ERCC6: variants seen among roughly 807,000 people sequenced by gnomAD.
ERCC6 encodes the protein ERCC excision repair 6, chromatin remodeling factor.
ERCC6 carries 116 observed loss-of-function variants against 158.7 expected under a neutral mutation model. The ratio of observed to expected loss-of-function variants is 0.73; its 90% confidence interval spans 0.63 to 0.85. The LOEUF (loss-of-function observed/expected upper bound fraction) is 0.85, where lower values mean the gene tolerates loss of function less well. ERCC6 is among the 40% of genes least tolerant of loss of function. The pLI is 0.00. For missense variants in ERCC6, 1,698 were observed against 1,799.4 expected (o/e 0.94, Z 1.02); for synonymous variants, 678 against 659.3 (o/e 1.03, Z -0.43).
At chr10:49,450,533 A>G (rs371485744), downstream of ERCC6, among the ~76,000 whole-genome samples, 47 of 152,336 alleles carry the variant, frequency 3.1e-4, 2 homozygotes, top group East Asian at 5.0e-3. Context: ...AATTTCTGCA[A>G]AGATGTCAGC....
chr10:49,438,599 T>C, the ERCC6 span, among the ~76,000 whole-genome samples: 4 of 152,028 alleles, frequency 2.6e-5, no homozygotes, highest in African/African-American at 9.7e-5. Flanking sequence ...AAATCTCATG[T>C]CCTCACATTT....
chr10:49,442,036 C>T, the ERCC6 span, among the ~76,000 whole-genome samples: 1 of 152,160 alleles, frequency 6.6e-6, no homozygotes, highest in Admixed American at 6.5e-5. Flanking sequence ...CCCCAGGCTG[C>T]CGGTATCCAA....
rs367896949 is a variant in ERCC6 at position 49,457,343 on chromosome 10, T to C, written c.*1472A>G. 1.3e-5 allele frequency: 2 copies of C among 151,956 alleles called. No individual in the cohort carries two copies. The highest frequency in any genetic ancestry group is 4.8e-5 in the African/African-American group (2 of 41,388). 9.4% of individuals were successfully genotyped at this position (151,956 alleles called of 1,614,324 possible). A position where few individuals can be genotyped will look rare whatever the true frequency, so the allele number is the denominator to read the frequency against. On this transcript the variant is annotated 3_prime_UTR_variant, in exon 21 of 21. Coordinates refer to ENST00000355832, the MANE Select transcript of ERCC6 (RefSeq NM_000124.4). The stretch of plus-strand genomic sequence containing the variant: ...TAAACCAAACTAAAAACAAAAGAAA[T>C]GAACAAGCTATAATCCAAAAAAAAC...
intron 10 of ERCC6, among the ~76,000 whole-genome samples, chr10:49,481,152 G>A (rs1203939123): frequency 6.6e-6 from 1 of 152,204 alleles, no homozygotes; most frequent in Admixed American, 6.5e-5. Context: ...CCTCAGCTGT[G>A]AATCTACATG....
chr10:49,471,439 C>T (rs1251444143), intron 16 of ERCC6, among the ~76,000 whole-genome samples: 1 of 152,150 alleles, frequency 6.6e-6, no homozygotes, highest in Non-Finnish European at 1.5e-5. Context: ...CTCTTAGCCT[C>T]CTTGACTTGA....
intron 5 of ERCC6, chr10:49,517,157 T>C: frequency 6.5e-7 from 1 of 1,535,964 alleles, no homozygotes; most frequent in Non-Finnish European, 8.8e-7. Flanking sequence ...GTCCTAGTGG[T>C]AGTGGTTTTG....
chr10:49,471,252 G>C, intron 16 of ERCC6, 132 bp from the exon 17 acceptor site: 1 of 863,760 alleles, frequency 1.2e-6, no homozygotes, highest in African/African-American at 1.7e-5. Context: ...CAAACTTTCA[G>C]CCTTGGAAAA....
At chr10:49,533,585 C>A (rs189676751) in intron 1 of ERCC6, among the ~76,000 whole-genome samples, 6 of 152,168 alleles carry the variant, frequency 3.9e-5, no homozygotes, top group South Asian at 2.1e-4. Context: ...GGAAACACAG[C>A]GAGCTCAGGA....
intron 18 of ERCC6, 74 bp from the exon 19 acceptor site, chr10:49,461,630 T>C: frequency 6.9e-7 from 1 of 1,443,456 alleles, no homozygotes; most frequent in Non-Finnish European, 9.5e-7. Context: ...TCTGTATAAG[T>C]ACAGTACTGT....
intron 5 of ERCC6, among the ~76,000 whole-genome samples, chr10:49,523,234 G>A (rs1301371645): frequency 2.0e-5 from 3 of 152,220 alleles, no homozygotes; most frequent in Non-Finnish European, 4.4e-5. Context: ...TCTAAGTCAA[G>A]GAGACTTGAA....
At chr10:49,535,108 C>A (rs893512603) in intron 1 of ERCC6, among the ~76,000 whole-genome samples, 27 of 152,142 alleles carry the variant, frequency 1.8e-4, no homozygotes, top group African/African-American at 6.5e-4. Flanking sequence ...TCAATATCTG[C>A]TGAAAGGAAG....
At chr10:49,538,632 A>AT (rs943809004) in intron 1 of ERCC6, among the ~76,000 whole-genome samples, 1 of 152,184 alleles carries the variant, frequency 6.6e-6, no homozygotes, top group African/African-American at 2.4e-5. Context: ...TCTCTTTAAA[A>AT]TAACAGCTCC....
At chr10:49,538,764 T>C (rs1837665311) in intron 1 of ERCC6, among the ~76,000 whole-genome samples, 198 bp downstream of exon 1, 1 of 152,122 alleles carries the variant, frequency 6.6e-6, no homozygotes, top group Admixed American at 6.5e-5. Context: ...AGGTGAGCGC[T>C]CCTTGGCGCT....
Position 49,505,870 on chromosome 10 carries a change from CAT to C in ERCC6, c.1526+12_1526+13del. 1 of 1,612,598 alleles carries C rather than the reference CAT, an allele frequency of 6.2e-7. No individual in the cohort carries two copies. The highest frequency in any genetic ancestry group is 1.1e-5 in the South Asian group (1 of 91,034). On this transcript the variant is annotated intron_variant, in intron 6 of 20. Transcript: ENST00000355832. ...TTGATAGCAAATAGAAAGGAAAGAACATATGGTACATACTTAAAAAGCTTTTT... is the reference window on the plus strand; with the variant it reads ...TTGATAGCAAATAGAAAGGAAAGAACATGGTACATACTTAAAAAGCTTTTT...
intron 7 of ERCC6, 86 bp from the exon 8 acceptor site, chr10:49,493,338 C>G: frequency 1.3e-6 from 2 of 1,528,602 alleles, no homozygotes; most frequent in Non-Finnish European, 1.8e-6. Flanking sequence ...AAACAACAAA[C>G]AAAAAACTTA....
intron 10 of ERCC6, 145 bp downstream of exon 10, chr10:49,482,542 T>TTC: frequency 1.7e-6 from 1 of 593,554 alleles, no homozygotes; most frequent in Non-Finnish European, 2.8e-6. Flanking sequence ...TTTTGTGATT[T>TTC]TTTTTTTTTT....
chr10:49,452,609 T>C (rs1056001219), downstream of ERCC6, among the ~76,000 whole-genome samples: 17 of 152,148 alleles, frequency 1.1e-4, no homozygotes, highest in African/African-American at 4.1e-4. Context: ...GTTTACAGCG[T>C]TGGTCAAGTT....
chr10:49,489,156 T>A (rs1851129746), intron 8 of ERCC6, among the ~76,000 whole-genome samples: 1 of 152,220 alleles, frequency 6.6e-6, no homozygotes, highest in African/African-American at 2.4e-5. Context: ...AACATGAGAA[T>A]AAAAGGTCTA....
At chr10:49,502,383 A>AT (rs1189123233) in intron 6 of ERCC6, 1 of 152,230 alleles carries the variant, frequency 6.6e-6, no homozygotes, top group Admixed American at 6.5e-5. Flanking sequence ...ATACAAGATC[A>AT]TTTAATTTGG....
Sources: allele counts gnomAD v4.1 joint callset (sites outside exome capture counted in the v4.1 genomes callset), GRCh38; gene constraint gnomAD v4.1.1; transcripts MANE v1.5; gene names NCBI Gene and HGNC (gene_info 2026-07-23, HGNC 2026-07-21).